DOCK2: variants seen among roughly 807,000 people sequenced by gnomAD.
The protein encoded by DOCK2 is dedicator of cytokinesis 2.
In DOCK2, 87 loss-of-function variants were observed where a neutral mutation model predicts 248.9. That is an observed-to-expected ratio of 0.35 (90% CI 0.29 to 0.42). DOCK2 has a LOEUF of 0.42. Ranked by LOEUF, DOCK2 falls within the 10% of genes least tolerant of loss-of-function variation. The pLI is 1.00. For missense variants in DOCK2, 1,747 were observed against 2,300.2 expected (o/e 0.76, Z 4.92); for synonymous variants, 805 against 821.6 (o/e 0.98, Z 0.35).
At chr5:169,964,548 C>G (rs924952947) in intron 27 of DOCK2, among the ~76,000 whole-genome samples, 1 of 152,228 alleles carries the variant, frequency 6.6e-6, no homozygotes, top group Non-Finnish European at 1.5e-5. Context: ...AGCATCTCCG[C>G]CTGGAGGGCT....
chr5:169,715,410 C>G (rs1434450274), intron 19 of DOCK2, among the ~76,000 whole-genome samples: 1 of 152,070 alleles, frequency 6.6e-6, no homozygotes, highest in Non-Finnish European at 1.5e-5. Flanking sequence ...ATTGCCTCTA[C>G]CTGGAGAAGC....
At chr5:170,077,931 C>A in intron 48 of DOCK2, 94 bp downstream of exon 48, 1 of 1,021,414 alleles carries the variant, frequency 9.8e-7, no homozygotes, top group Non-Finnish European at 1.4e-6. Flanking sequence ...ATCCCTTCTA[C>A]CTTTCCCTTC....
At chr5:169,832,204 G>A (rs1769269697) in intron 26 of DOCK2, among the ~76,000 whole-genome samples, 1 of 152,232 alleles carries the variant, frequency 6.6e-6, no homozygotes. Flanking sequence ...TATATGCACA[G>A]TTGCTGGCAT....
chr5:169,903,128 A>G (rs972099625), intron 27 of DOCK2, among the ~76,000 whole-genome samples: 5 of 151,730 alleles, frequency 3.3e-5, no homozygotes, highest in African/African-American at 7.3e-5. Flanking sequence ...GTGAATTTCA[A>G]TGTAAGGTGG....
At chr5:169,725,403 G>A (rs191847749) in intron 22 of DOCK2, among the ~76,000 whole-genome samples, 4 of 152,288 alleles carry the variant, frequency 2.6e-5, no homozygotes, top group Admixed American at 2.6e-4. Context: ...ATGAACATAT[G>A]TGAAAGTGGT....
intron 33 of DOCK2, among the ~76,000 whole-genome samples, chr5:170,026,254 G>T (rs146434357): frequency 9.9e-5 from 15 of 152,220 alleles, no homozygotes; most frequent in African/African-American, 3.1e-4. Context: ...TTATGCCCAG[G>T]AAAGAGCCTG....
intron 25 of DOCK2, among the ~76,000 whole-genome samples, chr5:169,790,258 C>T (rs1175535441): frequency 1.3e-5 from 2 of 152,184 alleles, no homozygotes; most frequent in African/African-American, 2.4e-5. Flanking sequence ...TGATTCAAAA[C>T]ATTGCTGTTG....
At chr5:169,989,751 C>T (rs1303861909) in intron 29 of DOCK2, among the ~76,000 whole-genome samples, 1 of 152,152 alleles carries the variant, frequency 6.6e-6, no homozygotes, top group Non-Finnish European at 1.5e-5. Flanking sequence ...AATAATGATA[C>T]CTACCACAAG....
intron 27 of DOCK2, among the ~76,000 whole-genome samples, chr5:169,905,228 C>A (rs1318096652): frequency 6.6e-6 from 1 of 151,846 alleles, no homozygotes; most frequent in Non-Finnish European, 1.5e-5. Flanking sequence ...ACAAAGGGGA[C>A]CCCTGCTGTC....
At chr5:170,018,810 C>A in intron 32 of DOCK2, 150 bp from the exon 33 acceptor site, 1 of 1,000,728 alleles carries the variant, frequency 1.0e-6, no homozygotes, top group African/African-American at 1.6e-5. Context: ...GTGTTCAAAA[C>A]GGTGCCTGGC....
intron 46 of DOCK2, among the ~76,000 whole-genome samples, chr5:170,071,108 C>T (rs1581574699): frequency 6.6e-6 from 1 of 152,212 alleles, no homozygotes; most frequent in African/African-American, 2.4e-5. Flanking sequence ...AGCGCCCAGG[C>T]ACCCTAACTA....
At chr5:169,982,865 C>T (rs1777977133) in intron 27 of DOCK2, among the ~76,000 whole-genome samples, 1 of 152,218 alleles carries the variant, frequency 6.6e-6, no homozygotes, top group African/African-American at 2.4e-5. Context: ...GTACAGTGCT[C>T]TTTCCCCAGT....
rs146418104 is a variant in DOCK2, at chr5:170,059,388, C to A, written c.4467+1722C>A. Among the ~76,000 whole-genome samples, 368 of 152,200 alleles carry A rather than the reference C, an allele frequency of 2.4e-3. 4 individuals are homozygous for A. The highest frequency in any genetic ancestry group is 8.5e-3 in the African/African-American group (352 of 41,506). ...TCAGAAACTTTCTGTCAATCTGTAG[C>A]CTCTGCCCATTAGCCCTGACTGAGC... On this transcript the variant is annotated intron_variant, in intron 44 of 51. Transcript: ENST00000520908.
At chr5:169,671,566 T>C (rs1342383774) in intron 5 of DOCK2, among the ~76,000 whole-genome samples, 1 of 152,246 alleles carries the variant, frequency 6.6e-6, no homozygotes, top group Non-Finnish European at 1.5e-5. Context: ...ACTGTTCTTA[T>C]ACTTTAACCA....
intron 27 of DOCK2, among the ~76,000 whole-genome samples, chr5:169,896,385 G>C (rs1773609747): frequency 6.6e-6 from 1 of 152,122 alleles, no homozygotes; most frequent in Non-Finnish European, 1.5e-5. Flanking sequence ...AAAACAGACG[G>C]CTTAGATTTC....
At chr5:169,926,370 C>G (rs1294070299) in intron 27 of DOCK2, among the ~76,000 whole-genome samples, 1 of 152,196 alleles carries the variant, frequency 6.6e-6, no homozygotes, top group Non-Finnish European at 1.5e-5. Context: ...TTCTTATCCT[C>G]TACCTTTTTC....
rs148778625 is a variant in DOCK2, at chr5:169,859,911, C to T, written c.2799+19059C>T. Among the ~76,000 whole-genome samples the T allele has an allele frequency of 2.0e-3, 298 of 150,284 alleles. 1 individual carries two copies. The highest frequency in any genetic ancestry group is 4.0e-3 in the South Asian group (19 of 4,732). On this transcript the variant is annotated intron_variant, in intron 27 of 51. Coordinates refer to ENST00000520908, the MANE Select transcript of DOCK2 (RefSeq NM_004946.3). ...CCCATGTGCTCTTTTGAATCATGGG[C>T]GACTTTATTACTTAACATTAACTGT...
chr5:169,698,068 G>C (rs537166007), intron 10 of DOCK2, among the ~76,000 whole-genome samples: 1 of 152,330 alleles, frequency 6.6e-6, no homozygotes, highest in East Asian at 1.9e-4. Context: ...AAACCTAATT[G>C]CTGAATTCCA....
At chr5:169,737,334 G>A (rs1208863901) in intron 22 of DOCK2, among the ~76,000 whole-genome samples, 1 of 152,192 alleles carries the variant, frequency 6.6e-6, no homozygotes, top group Non-Finnish European at 1.5e-5. Flanking sequence ...GCCTAAAAGG[G>A]TAGGAAGGGG....
Sources: allele counts gnomAD v4.1 joint callset (sites outside exome capture counted in the v4.1 genomes callset), GRCh38; gene constraint gnomAD v4.1.1; transcripts MANE v1.5; gene names NCBI Gene and HGNC (gene_info 2026-07-23, HGNC 2026-07-21).